ARHGAP42: variants seen among roughly 807,000 people sequenced by gnomAD.
ARHGAP42 encodes Rho GTPase activating protein 42.
In ARHGAP42, 63 loss-of-function variants were observed where a neutral mutation model predicts 125.0. The observed-to-expected ratio is 0.50, with a 90% confidence interval of 0.41 to 0.62. The LOEUF (loss-of-function observed/expected upper bound fraction) is 0.62, where lower values mean the gene tolerates loss of function less well. ARHGAP42 is among the 20% of genes least tolerant of loss of function. The pLI, the probability that ARHGAP42 is intolerant of heterozygous loss-of-function variation, is 0.00. For missense variants in ARHGAP42, 766 were observed against 1,024.2 expected (o/e 0.75, Z 3.44); for synonymous variants, 339 against 351.0 (o/e 0.97, Z 0.38).
At chr11:100,718,498 C>T (rs1861703772) in intron 1 of ARHGAP42, among the ~76,000 whole-genome samples, 1 of 152,066 alleles carries the variant, frequency 6.6e-6, no homozygotes, top group Non-Finnish European at 1.5e-5. Context: ...CTCAGATAAA[C>T]AAATTTGAAA....
At chr11:100,885,707 T>C (rs1387519031) in intron 4 of ARHGAP42, among the ~76,000 whole-genome samples, 1 of 152,212 alleles carries the variant, frequency 6.6e-6, no homozygotes, top group Non-Finnish European at 1.5e-5. Context: ...AAATGGATCA[T>C]TGTCTGGAAG....
At chr11:100,921,458 A>T in intron 5 of ARHGAP42, 36 bp from the exon 6 acceptor site, 1 of 1,427,056 alleles carries the variant, frequency 7.0e-7, no homozygotes, top group Non-Finnish European at 9.6e-7. Flanking sequence ...CTCTATGTAG[A>T]ACCATCAGTA....
intron 1 of ARHGAP42, among the ~76,000 whole-genome samples, chr11:100,749,389 C>T (rs1345753167): frequency 4.6e-5 from 7 of 151,686 alleles, no homozygotes. Flanking sequence ...GGATGTCTCA[C>T]CTGGCCTGTC....
intron 1 of ARHGAP42, among the ~76,000 whole-genome samples, chr11:100,746,823 T>TAAGGA (rs968545753): frequency 3.3e-5 from 5 of 152,204 alleles, no homozygotes; most frequent in Non-Finnish European, 5.9e-5. Flanking sequence ...AAGCACTGGG[T>TAAGGA]AAGGAAAGGA....
intron 1 of ARHGAP42, among the ~76,000 whole-genome samples, chr11:100,726,476 T>C (rs1467727270): frequency 6.6e-6 from 1 of 152,224 alleles, no homozygotes; most frequent in Non-Finnish European, 1.5e-5. Flanking sequence ...CATATAATTG[T>C]TTTGAATTAA....
chr11:100,949,594 C>T (rs961074836), intron 11 of ARHGAP42, among the ~76,000 whole-genome samples: 2 of 152,044 alleles, frequency 1.3e-5, no homozygotes, highest in Admixed American at 6.6e-5. Context: ...GGAGCAATTC[C>T]GGAAATCCAT....
intron 3 of ARHGAP42, among the ~76,000 whole-genome samples, chr11:100,834,118 C>T (rs965697134): frequency 6.6e-6 from 1 of 152,128 alleles, no homozygotes; most frequent in African/African-American, 2.4e-5. Context: ...GCTGTCCAGT[C>T]ATTACAGTTA....
At position 100,687,876 on chromosome 11, in the gene ARHGAP42, T is replaced by TC. The variant is rs1363323852; in HGVS notation, c.154+48dup. On this transcript the variant is annotated intron_variant, in intron 1 of 23. Coordinates refer to ENST00000298815, the MANE Select transcript of ARHGAP42 (RefSeq NM_152432.4). Reference sequence around the variant, plus strand: ...GGAGTGGACACCCGCATCTGGAGAGTCCCCGCGGGGTGCGGGTCCGAAGGG... The same window carrying TC: ...GGAGTGGACACCCGCATCTGGAGAGTCCCCCGCGGGGTGCGGGTCCGAAGGG... The TC allele has an allele frequency of 4.7e-6, 7 of 1,493,660 alleles. No homozygotes were observed. The Middle Eastern group carries it at 5.3e-4, about 114-fold the overall frequency. 92.5% of individuals were successfully genotyped at this position (1,493,660 alleles called of 1,614,324 possible).
intron 5 of ARHGAP42, among the ~76,000 whole-genome samples, chr11:100,921,227 ATATATATATATATATATATTTTTTTTTT>A (rs1867245786): frequency 4.3e-5 from 3 of 70,066 alleles, no homozygotes; most frequent in South Asian, 6.6e-4. Flanking sequence ...ATATATATAT[ATATATATATATATATATATTTTTTTTTT>A]TTTTTTTTTT....
rs773770924 is a variant in ARHGAP42 at position 100,770,443 on chromosome 11, G to A, written c.250+5G>A. 1 of 1,526,436 alleles carries A rather than the reference G, an allele frequency of 6.6e-7. No individual in the cohort carries two copies. The highest frequency in any genetic ancestry group is 1.2e-5 in the South Asian group (1 of 81,802). The allele number at this position is 1,526,436 out of a possible 1,614,324, so 94.6% of individuals were successfully genotyped here. ...CAGATGATGAAATTAGTATTGGTAAGTACTACTGTTTTAGAAAGTTCTATT... is the reference window on the plus strand; with the variant it reads ...CAGATGATGAAATTAGTATTGGTAAATACTACTGTTTTAGAAAGTTCTATT... On this transcript the variant is annotated splice_donor_5th_base_variant and intron_variant, in intron 2 of 23. Coordinates refer to ENST00000298815, the MANE Select transcript of ARHGAP42 (RefSeq NM_152432.4).
rs1458472666 is a variant in ARHGAP42 at position 100,941,847 on chromosome 11, C to A, written c.896C>A (p.Thr299Lys). 11 of 1,538,150 alleles carry A rather than the reference C, an allele frequency of 7.2e-6. No individual in the cohort carries two copies. The highest frequency in any genetic ancestry group is 2.1e-5 in the Admixed American group (1 of 47,912). ...TATGATAAGGGAAGTAAAACATTTA[C>A]AATGAGTGTTTCAGAAATGAAATCC... The part of the protein sequence containing the change: ...CTYDKGSKTF[T>K]MSVSEMKSSG... Residue 299 changes from threonine (T) to lysine (K), a missense_variant, in exon 9 of 24, where the codon ACA (threonine) becomes AAA (lysine). Physicochemically the swap from Thr to Lys is moderately conservative, Grantham distance 78. This residue lies in a region of ARHGAP42 where 455 missense variants were observed against 636.5 expected (regional missense o/e 0.71). Coordinates refer to ENST00000298815, the MANE Select transcript of ARHGAP42 (RefSeq NM_152432.4).
chr11:100,869,493 C>T (rs573961315), intron 4 of ARHGAP42, among the ~76,000 whole-genome samples: 25 of 151,680 alleles, frequency 1.6e-4, no homozygotes, highest in African/African-American at 5.8e-4. Flanking sequence ...CCATTAACAC[C>T]AATGGAGAAA....
chr11:100,814,356 C>T (rs1164137181), intron 3 of ARHGAP42, among the ~76,000 whole-genome samples: 7 of 108,042 alleles, frequency 6.5e-5, no homozygotes, highest in East Asian at 2.6e-4. Flanking sequence ...AGCAAGACTC[C>T]GTCTCAAAAA....
intron 3 of ARHGAP42, among the ~76,000 whole-genome samples, chr11:100,809,046 T>C (rs1864075811): frequency 1.3e-5 from 2 of 152,120 alleles, no homozygotes; most frequent in South Asian, 4.1e-4. Context: ...AGGGCCCACA[T>C]TGCTTGTGGG....
chr11:100,959,989 A>C, intron 13 of ARHGAP42, 44 bp downstream of exon 13: 99 of 1,488,914 alleles, frequency 6.6e-5, no homozygotes, highest in Non-Finnish European at 8.1e-5. Context: ...CATGTGTCTC[A>C]TTCTTACATG....
chr11:100,816,711 T>A (rs1199549763), intron 3 of ARHGAP42: 2 of 152,214 alleles, frequency 1.3e-5, no homozygotes, highest in Admixed American at 6.5e-5. Flanking sequence ...TTTATTCTTT[T>A]CAGGCAATGT....
At chr11:100,794,499 G>C (rs1591186375) in intron 2 of ARHGAP42, among the ~76,000 whole-genome samples, 2 of 152,278 alleles carry the variant, frequency 1.3e-5, no homozygotes, top group Admixed American at 1.3e-4. Flanking sequence ...GGGCCTGAGA[G>C]TCTGCATTTC....
chr11:100,724,156 C>CA (rs1861814097), intron 1 of ARHGAP42, among the ~76,000 whole-genome samples: 1 of 152,158 alleles, frequency 6.6e-6, no homozygotes, highest in Admixed American at 6.5e-5. Flanking sequence ...GTCAGCCTTG[C>CA]ATACCTATAA....
rs568196637 is a variant in ARHGAP42, at chr11:100,759,969, C to G, written c.155-10374C>G. The stretch of plus-strand genomic sequence containing the variant: ...TATCTGTAAATCAGCAGATACATTG[C>G]ACTGATTGGATTACCCAGGGTAATT... On this transcript the variant is annotated intron_variant, in intron 1 of 23. Transcript: ENST00000298815. Among the ~76,000 whole-genome samples, 32 of 152,258 alleles carry G rather than the reference C, an allele frequency of 2.1e-4. 1 individual carries two copies. The highest frequency in any genetic ancestry group is 7.2e-4 in the African/African-American group (30 of 41,544).
Sources: allele counts gnomAD v4.1 joint callset (sites outside exome capture counted in the v4.1 genomes callset), GRCh38; gene constraint gnomAD v4.1.1; regional missense constraint gnomAD v4.1.1; transcripts MANE v1.5; gene names NCBI Gene and HGNC (gene_info 2026-07-23, HGNC 2026-07-21).